Variants in CHL1 observed in about 807,000 individuals in gnomAD.
CHL1 encodes cell adhesion molecule L1 like, also known as neural cell adhesion molecule L1-like protein.
A neutral mutation model predicts 141.9 loss-of-function variants in CHL1; 96 were observed. That is an observed-to-expected ratio of 0.68 (90% CI 0.57 to 0.80). CHL1 has a LOEUF of 0.80. Ranked by LOEUF, CHL1 falls within the 30% of genes least tolerant of loss-of-function variation. CHL1 has a pLI of 0.00. For missense variants in CHL1, 1,820 were observed against 1,457.2 expected, an observed-to-expected ratio of 1.25 and a Z score of -4.05; for synonymous variants, 613 against 502.2, an observed-to-expected ratio of 1.22 and a Z score of -2.95.
intron 2 of CHL1, among the ~76,000 whole-genome samples, chr3:297,163 C>T (rs1209334769): frequency 6.6e-6 from 1 of 151,942 alleles, no homozygotes; most frequent in Non-Finnish European, 1.5e-5. Flanking sequence ...GAGATGGAGG[C>T]TTCAGAGAGC....
At chr3:311,417 T>G (rs1699741554) in intron 2 of CHL1, among the ~76,000 whole-genome samples, 1 of 151,470 alleles carries the variant, frequency 6.6e-6, no homozygotes, top group Non-Finnish European at 1.5e-5. Flanking sequence ...TCTGTCACAG[T>G]GAGGGTTTGC....
chr3:198,602 G>A (rs1413896397), intron 1 of CHL1, among the ~76,000 whole-genome samples: 1 of 152,222 alleles, frequency 6.6e-6, no homozygotes, highest in Admixed American at 6.5e-5. Context: ...AGACTGGAAT[G>A]AGATGATACA....
chr3:242,386 GGA>G (rs1692694755), intron 1 of CHL1, among the ~76,000 whole-genome samples: 1 of 142,404 alleles, frequency 7.0e-6, no homozygotes, highest in Non-Finnish European at 1.5e-5. Context: ...CACGAGGTCA[GGA>G]GATCGAGACC....
chr3:207,800 A>G (rs1699568255), intron 1 of CHL1, among the ~76,000 whole-genome samples: 1 of 152,180 alleles, frequency 6.6e-6, no homozygotes, highest in South Asian at 2.1e-4. Context: ...AAGGGTTTCA[A>G]CAGTCTGCTC....
In CHL1 at chr3:285,354, A is replaced by G. The variant is rs115891253; in HGVS notation, c.-94-34329A>G. Among the ~76,000 whole-genome samples the G allele has an allele frequency of 4.6e-3, 707 of 152,338 alleles. 4 individuals carry two copies. Among genetic ancestry groups the G allele is most frequent in the African/African-American group, 0.016 (661 of 41,584 alleles). On this transcript the variant is annotated intron_variant, in intron 2 of 27. Coordinates refer to ENST00000256509, the MANE Select transcript of CHL1 (RefSeq NM_006614.4). ...CCACCATTTTCTCTATAAAATGCCAATGGCATTTAAAAGTAGTGTCACCAG... is the reference window on the plus strand; with the variant it reads ...CCACCATTTTCTCTATAAAATGCCAGTGGCATTTAAAAGTAGTGTCACCAG...
Position 349,496 on chromosome 3 carries a change from G to T in CHL1, c.986G>T (p.Ser329Ile), listed in dbSNP as rs768713679. 1 of 1,613,896 alleles carries T rather than the reference G, an allele frequency of 6.2e-7. No homozygotes were observed. Among genetic ancestry groups the T allele is most frequent in the South Asian group, 1.1e-5 (1 of 91,056 alleles). ...AAAGGAAATTATCGCTGCACAGCCA[G>T]CAATTTCTTGGGAACAGCCACTCAC... ...QDKGNYRCTA[S>I]NFLGTATHDF... The change falls in exon 10 of 28, where the codon AGC (serine) becomes ATC (isoleucine). Residue 329 changes from serine (S) to isoleucine (I), a missense_variant. By Grantham distance (142) the Ser-to-Ile change is moderately radical. Coordinates refer to ENST00000256509, the MANE Select transcript of CHL1 (RefSeq NM_006614.4).
At chr3:309,678 T>A (rs984173537) in intron 2 of CHL1, among the ~76,000 whole-genome samples, 3 of 151,930 alleles carry the variant, frequency 2.0e-5, no homozygotes, top group African/African-American at 7.3e-5. Context: ...CTTGCTAATT[T>A]AAAAAAAGAA....
At chr3:349,331 T>C in intron 9 of CHL1, 28 bp from the exon 10 acceptor site, 1 of 1,577,542 alleles carries the variant, frequency 6.3e-7, no homozygotes, top group Non-Finnish European at 8.6e-7. Flanking sequence ...TTTAAAAAAA[T>C]GTTTATTTAT....
intron 15 of CHL1, 23 bp downstream of exon 15, chr3:366,138 T>G: frequency 6.2e-7 from 1 of 1,602,874 alleles, no homozygotes; most frequent in Non-Finnish European, 8.5e-7. Flanking sequence ...TTATGATATG[T>G]CATAATATTT....
chr3:344,853 T>G, intron 9 of CHL1, 144 bp downstream of exon 9: 1 of 793,290 alleles, frequency 1.3e-6, no homozygotes, highest in South Asian at 2.2e-5. Context: ...CTGCAGATAT[T>G]CTGCTCAGGA....
At chr3:337,488 G>C (rs1009784987) in intron 5 of CHL1, among the ~76,000 whole-genome samples, 1 of 151,766 alleles carries the variant, frequency 6.6e-6, no homozygotes, top group South Asian at 2.1e-4. Context: ...TTTACATTAG[G>C]TATGTCTCCC....
intron 2 of CHL1, among the ~76,000 whole-genome samples, chr3:260,886 C>T (rs951225291): frequency 3.3e-5 from 5 of 152,156 alleles, no homozygotes; most frequent in East Asian, 1.9e-4. Context: ...TTCCACAAGG[C>T]GTCAGCAGCT....
chr3:379,304 C>G (rs1275811360), intron 16 of CHL1, among the ~76,000 whole-genome samples: 4 of 152,134 alleles, frequency 2.6e-5, no homozygotes, highest in Non-Finnish European at 4.4e-5. Context: ...AGAACAGTTT[C>G]CACTTACAGA....
rs577095021 is a variant in CHL1, at chr3:298,458, C to A, written c.-94-21225C>A. ...TGACATGTGCAGTTTACATTCCTTG[C>A]TCAATAGGAGTATTTAGGTAATTAA... is the stretch of plus-strand genomic sequence containing the variant. On this transcript the variant is annotated intron_variant, in intron 2 of 27. Coordinates refer to ENST00000256509, the MANE Select transcript of CHL1 (RefSeq NM_006614.4). Among the ~76,000 whole-genome samples the A allele has an allele frequency of 2.0e-5, 3 of 152,244 alleles. No homozygotes were observed. The East Asian group carries it at 5.8e-4, about 29-fold the overall frequency.
At chr3:353,690 A>G (rs901065945) in intron 10 of CHL1, among the ~76,000 whole-genome samples, 1 of 152,112 alleles carries the variant, frequency 6.6e-6, no homozygotes, top group Non-Finnish European at 1.5e-5. Context: ...AATTTTAATG[A>G]TATTTTTTCA....
chr3:345,458 A>C (rs1263823191), intron 9 of CHL1, among the ~76,000 whole-genome samples: 7 of 138,434 alleles, frequency 5.1e-5, no homozygotes, highest in Non-Finnish European at 1.1e-4. Flanking sequence ...TTATTTATTT[A>C]TTTATTTAAT....
intron 2 of CHL1, among the ~76,000 whole-genome samples, chr3:298,125 A>G (rs895919479): frequency 6.6e-6 from 1 of 152,230 alleles, no homozygotes; most frequent in Admixed American, 6.5e-5. Context: ...ACAACATATC[A>G]ACATATGAAT....
At chr3:369,583 C>A (rs551401845) in intron 15 of CHL1, among the ~76,000 whole-genome samples, 35 of 152,318 alleles carry the variant, frequency 2.3e-4, no homozygotes, top group Admixed American at 3.9e-4. Flanking sequence ...TATGAATACC[C>A]TTTATTTTTT....
intron 5 of CHL1, among the ~76,000 whole-genome samples, chr3:339,510 C>A (rs1240398047): frequency 3.3e-5 from 5 of 152,138 alleles, no homozygotes; most frequent in Non-Finnish European, 7.3e-5. Flanking sequence ...AGAGGAAACC[C>A]ACTAAAGGAC....
Sources: gnomAD v4.1 joint callset for allele counts (sites outside exome capture counted in the v4.1 genomes callset) on GRCh38, gnomAD v4.1.1 for gene constraint, MANE v1.5 for transcripts, NCBI Gene and HGNC (gene_info 2026-07-23, HGNC 2026-07-21) for gene names.